CACNA1C: variants seen among roughly 807,000 people sequenced by gnomAD.
The protein encoded by CACNA1C is voltage-dependent L-type calcium channel subunit alpha-1C.
CACNA1C carries 30 observed loss-of-function variants against 229.0 expected under a neutral mutation model. The ratio of observed to expected loss-of-function variants is 0.13; its 90% CI spans 0.10 to 0.18. CACNA1C has a LOEUF of 0.18. Among genes scored for constraint, CACNA1C ranks in the 10% least tolerant of loss-of-function variants. The pLI, the probability that CACNA1C is intolerant of heterozygous loss-of-function variation, is 1.00. For synonymous variants in CACNA1C, 1,114 were observed against 1,132.5 expected (o/e 0.98, Z 0.33); for missense variants, 1,658 against 2,845.0 (o/e 0.58, Z 9.49).
chr12:1,985,326 G>T (rs1008497359), intron 1 of CACNA1C, among the ~76,000 whole-genome samples: 3 of 151,920 alleles, frequency 2.0e-5, no homozygotes, highest in African/African-American at 7.3e-5. Flanking sequence ...TATTCTTCAG[G>T]TTTGAAAATT....
At chr12:2,378,837 TTTTTCTTTCCTTTTC>T (rs1355512420) in intron 3 of CACNA1C, among the ~76,000 whole-genome samples, 3 of 150,114 alleles carry the variant, frequency 2.0e-5, no homozygotes, top group Non-Finnish European at 4.4e-5. Flanking sequence ...TTTCCTTCTT[TTTTTCTTTCCTTTTC>T]TTTTCTTTCC....
At position 2,690,933 on chromosome 12, in the gene CACNA1C, C is replaced by A. The variant is rs758691132; in HGVS notation, c.6151C>A (p.Gln2051Lys). ...LISEGLGQFA[Q>K]DPKFIEVTTQ... ...TTCAGAAGGACTGGGGCAGTTTGCT[C>A]AAGATCCCAAGTTCATCGAGGTCAC... Residue 2051 changes from glutamine to lysine, a missense_variant, in exon 47 of 47, where the codon CAA becomes AAA. Coordinates refer to ENST00000399655, the MANE Select transcript of CACNA1C (RefSeq NM_000719.7). 2 of 1,591,492 alleles carry A rather than the reference C, an allele frequency of 1.3e-6. No homozygotes were observed. The highest frequency in any genetic ancestry group is 1.7e-6 in the Non-Finnish European group (2 of 1,167,556).
rs2032400176 is a variant in CACNA1C, at chr12:1,971,813, T to G, written c.139+612T>G. ...TTTATGTTCCTAATAAATATTTCTG[T>G]TTGATCTGTTCTTTTAAGATATTTA... On this transcript the variant is annotated intron_variant, in intron 1 of 46. Transcript: ENST00000682462. This position sits in a 1 kb window ranked among gnomAD's most constrained non-coding sequence, Gnocchi z 4.2. 6.6e-6 allele frequency among the ~76,000 whole-genome samples: 1 copy of G among 152,244 alleles called. No individual in the cohort carries two copies.
At chr12:2,352,380 C>G (rs996010600) in intron 3 of CACNA1C, among the ~76,000 whole-genome samples, 2 of 152,202 alleles carry the variant, frequency 1.3e-5, no homozygotes, top group African/African-American at 4.8e-5. Flanking sequence ...AAGTCTTCAT[C>G]AATCATACAA....
rs774165526 is a variant in CACNA1C at position 2,611,891 on chromosome 12, C to T, written c.3718-12C>T. 10 of 1,575,902 alleles carry T rather than the reference C, an allele frequency of 6.3e-6. No homozygotes were observed. In the African/African-American group the frequency reaches 1.2e-4, roughly 19 times the overall value. On this transcript the variant is annotated splice_polypyrimidine_tract_variant and intron_variant, in intron 28 of 46. Transcript: ENST00000399655. Reference sequence around the variant, plus strand: ...GCCCCGTGTTCACAGCTCCTCCCCTCTCCTGATGCAGCACTACGGCCAGAG... The same window carrying T: ...GCCCCGTGTTCACAGCTCCTCCCCTTTCCTGATGCAGCACTACGGCCAGAG...
At chr12:2,675,588 CT>C (rs2096766301) in intron 39 of CACNA1C, among the ~76,000 whole-genome samples, 2 of 152,210 alleles carry the variant, frequency 1.3e-5, no homozygotes, top group South Asian at 4.1e-4. Flanking sequence ...AAATGCGAAC[CT>C]CTCTTGGCCA....
chr12:2,204,887 T>C (rs1278831824), intron 3 of CACNA1C, among the ~76,000 whole-genome samples: 3 of 149,924 alleles, frequency 2.0e-5, no homozygotes, highest in African/African-American at 7.4e-5. Context: ...GGCACATGTA[T>C]ACATATGTAA....
intron 3 of CACNA1C, among the ~76,000 whole-genome samples, chr12:2,438,639 G>A (rs2099182167): frequency 6.6e-6 from 1 of 152,038 alleles, no homozygotes; most frequent in African/African-American, 2.4e-5. Context: ...GCTGGGGAAC[G>A]GGGAGGGTCA....
At chr12:2,188,955 TG>T (rs1179261317) in intron 3 of CACNA1C, among the ~76,000 whole-genome samples, 2 of 151,710 alleles carry the variant, frequency 1.3e-5, no homozygotes, top group Non-Finnish European at 2.9e-5. Flanking sequence ...TAGCCGGCCG[TG>T]GTGGCGGGTG....
intron 1 of CACNA1C, among the ~76,000 whole-genome samples, chr12:1,976,035 C>A (rs776918063): frequency 1.3e-5 from 2 of 152,124 alleles, no homozygotes; most frequent in Non-Finnish European, 2.9e-5. Flanking sequence ...TCCAGAGATA[C>A]CACAAGGCTC....
chr12:2,607,292 C>T (rs963246644), intron 26 of CACNA1C, 162 bp downstream of exon 26: 6 of 652,974 alleles, frequency 9.2e-6, no homozygotes, highest in Non-Finnish European at 1.3e-5. Context: ...ACTTACAGTC[C>T]ACTGTCACTG....
At chr12:2,060,603 C>T (rs538565576) in intron 1 of CACNA1C, among the ~76,000 whole-genome samples, 5 of 152,314 alleles carry the variant, frequency 3.3e-5, no homozygotes, top group East Asian at 1.9e-4. Flanking sequence ...AGCTTGAAGA[C>T]GGAGGCATGA....
intron 3 of CACNA1C, among the ~76,000 whole-genome samples, chr12:2,372,647 AAAAAT>A (rs1196512195): frequency 1.3e-5 from 2 of 152,220 alleles, no homozygotes; most frequent in Non-Finnish European, 2.9e-5. Flanking sequence ...GGCAACCTGA[AAAAAT>A]AAAGCAATGG....
intron 3 of CACNA1C, among the ~76,000 whole-genome samples, chr12:2,230,254 G>A (rs2064515075): frequency 6.6e-6 from 1 of 152,204 alleles, no homozygotes; most frequent in South Asian, 2.1e-4. Flanking sequence ...CAGAGGTCGG[G>A]AAGGGCGCCA....
intron 3 of CACNA1C, among the ~76,000 whole-genome samples, chr12:2,167,301 C>T (rs2096280056): frequency 6.6e-6 from 1 of 152,178 alleles, no homozygotes; most frequent in South Asian, 2.1e-4. Flanking sequence ...GCATGGATGA[C>T]AGAGCATTGT....
chr12:2,325,378 G>A (rs2096245841), intron 3 of CACNA1C, among the ~76,000 whole-genome samples: 1 of 152,252 alleles, frequency 6.6e-6, no homozygotes, highest in Admixed American at 6.5e-5. Flanking sequence ...TTTTCACAGA[G>A]GCAACGTGTT....
At chr12:2,387,924 C>A (rs1487732335) in intron 3 of CACNA1C, among the ~76,000 whole-genome samples, 1 of 152,114 alleles carries the variant, frequency 6.6e-6, no homozygotes, top group Non-Finnish European at 1.5e-5. Context: ...AGCCCCCTTA[C>A]CAGATCTGTA....
intron 10 of CACNA1C, among the ~76,000 whole-genome samples, chr12:2,555,888 C>T (rs962514983): frequency 6.6e-6 from 1 of 152,110 alleles, no homozygotes; most frequent in Non-Finnish European, 1.5e-5. Flanking sequence ...TGGGACGTCG[C>T]AGGCCTGCGG....
rs571845645 is a variant in CACNA1C at position 2,693,935 on chromosome 12, G to T, written c.*2736G>T. On this transcript the variant is annotated 3_prime_UTR_variant, in exon 47 of 47. Coordinates refer to ENST00000399655, the MANE Select transcript of CACNA1C (RefSeq NM_000719.7). ...ATGACAGCTTGCTGGACTGATTCAT[G>T]ACAAAGTGGAGAAATGTACTCAATA... 1 of 152,292 alleles carries T rather than the reference G, an allele frequency of 6.6e-6. No homozygotes were observed. The highest frequency in any genetic ancestry group is 2.4e-5 in the African/African-American group (1 of 41,542). The allele number at this position is 152,292 out of a possible 1,614,324, so 9.4% of individuals were successfully genotyped here.
Sources: allele counts gnomAD v4.1 joint callset (sites outside exome capture counted in the v4.1 genomes callset), GRCh38; gene constraint gnomAD v4.1.1; non-coding constraint Gnocchi (gnomAD v3.1); transcripts MANE v1.5; gene names NCBI Gene and HGNC (gene_info 2026-07-23, HGNC 2026-07-21).